Variants in TAFA2 observed in about 807,000 individuals in gnomAD.
TAFA2 encodes the protein TAFA chemokine like family member 2, also known as chemokine-like protein TAFA-2.
Under a neutral mutation model 18.8 loss-of-function variants are expected in TAFA2, and 7 were observed. That is an observed-to-expected ratio of 0.37 (90% CI 0.21 to 0.70). The LOEUF (loss-of-function observed/expected upper bound fraction) is 0.70. Ranked by LOEUF, TAFA2 falls within the 30% of genes least tolerant of loss-of-function variation. TAFA2 has a pLI of 0.53. For synonymous variants in TAFA2, 60 were observed against 54.2 expected (o/e 1.11, Z -0.47); for missense variants, 122 against 158.1 (o/e 0.77, Z 1.23).
chr12:61,930,302 C>G (rs1877503355), intron 1 of TAFA2, among the ~76,000 whole-genome samples: 1 of 152,016 alleles, frequency 6.6e-6, no homozygotes, highest in Non-Finnish European at 1.5e-5. Flanking sequence ...TCCCAGAGCA[C>G]AAATGAAGTT....
At chr12:61,886,039 A>G (rs1202821277) in intron 1 of TAFA2, among the ~76,000 whole-genome samples, 1 of 152,214 alleles carries the variant, frequency 6.6e-6, no homozygotes, top group Non-Finnish European at 1.5e-5. Context: ...AACTCTGGAA[A>G]TAATCCCCAT....
In TAFA2 at chr12:62,191,667, T is replaced by A. The variant is rs1196049531; in HGVS notation, c.-410A>T. On this transcript the variant is annotated 5_prime_UTR_variant, in exon 1 of 5. Transcript: ENST00000416284. ...CTTGGCAGCGCCCGCGGTCGCCTCC[T>A]GTCCTCGCCGGATGCGCGCGGTGCG... The A allele has an allele frequency of 1.3e-5, 2 of 152,232 alleles. No individual in the cohort carries two copies. Among genetic ancestry groups the A allele is most frequent in the Admixed American group, 1.3e-4 (2 of 15,290 alleles). The allele number at this position is 152,232 out of a possible 1,614,324, so 9.4% of individuals were successfully genotyped here.
intron 2 of TAFA2, among the ~76,000 whole-genome samples, chr12:61,826,369 T>C (rs1872538022): frequency 6.6e-6 from 1 of 151,976 alleles, no homozygotes; most frequent in Non-Finnish European, 1.5e-5. Context: ...TGTGTATTTG[T>C]AAATTTGAAA....
chr12:62,236,739 G>A (rs1475643512), intron 1 of TAFA2, among the ~76,000 whole-genome samples: 2 of 152,200 alleles, frequency 1.3e-5, no homozygotes, highest in Non-Finnish European at 2.9e-5. Flanking sequence ...CAGTATTCTT[G>A]TTGGATAATT....
At position 61,853,013 on chromosome 12, in the gene TAFA2, T is replaced by C. The variant is rs370807445; in HGVS notation, c.106+14307A>G. Among the ~76,000 whole-genome samples, 5 of 152,210 alleles carry C rather than the reference T, an allele frequency of 3.3e-5. No individual in the cohort carries two copies. The East Asian group carries it at 9.6e-4, about 29-fold the overall frequency. ...CAACTATAGTTAGCAATGTATTTTATACTTGAAATTTGTTAAGAGAGTAGC... is the reference window on the plus strand; with the variant it reads ...CAACTATAGTTAGCAATGTATTTTACACTTGAAATTTGTTAAGAGAGTAGC... On this transcript the variant is annotated intron_variant, in intron 2 of 4. Coordinates refer to ENST00000416284, the MANE Select transcript of TAFA2 (RefSeq NM_178539.5).
At chr12:62,033,878 A>G (rs11174283) in intron 1 of TAFA2, among the ~76,000 whole-genome samples, 3 of 152,278 alleles carry the variant, frequency 2.0e-5, no homozygotes, top group East Asian at 1.9e-4. Context: ...TTGTTTCACT[A>G]TTAGATTACT....
intron 2 of TAFA2, among the ~76,000 whole-genome samples, chr12:61,759,927 G>T (rs73324027): frequency 0.018 from 2,740 of 152,054 alleles, 77 homozygotes; most frequent in African/African-American, 0.061. Context: ...GAAGTGAAAT[G>T]ATGATCACAG....
chr12:61,983,431 CAG>C (rs1879709620), intron 1 of TAFA2, among the ~76,000 whole-genome samples: 1 of 124,664 alleles, frequency 8.0e-6, no homozygotes, highest in Admixed American at 8.2e-5. Context: ...TGTTTTGGGA[CAG>C]AGTCTCAATC....
chr12:61,816,474 AAT>A (rs1215429777), intron 2 of TAFA2, among the ~76,000 whole-genome samples: 3 of 151,384 alleles, frequency 2.0e-5, no homozygotes, highest in Admixed American at 6.6e-5. Context: ...ATAGTGCTGC[AAT>A]GAACATTTGC....
chr12:61,800,241 C>A (rs528567674), intron 2 of TAFA2, among the ~76,000 whole-genome samples: 1 of 152,234 alleles, frequency 6.6e-6, no homozygotes, highest in East Asian at 1.9e-4. Flanking sequence ...CACTTTTAAT[C>A]TTCACCACAA....
intron 1 of TAFA2, among the ~76,000 whole-genome samples, chr12:61,894,025 A>G (rs1875738225): frequency 6.6e-6 from 1 of 152,148 alleles, no homozygotes; most frequent in Non-Finnish European, 1.5e-5. Context: ...TTATTAAACA[A>G]ACTATCATGT....
At chr12:62,220,100 G>A (rs947317780) in intron 1 of TAFA2, among the ~76,000 whole-genome samples, 2 of 151,842 alleles carry the variant, frequency 1.3e-5, no homozygotes, top group African/African-American at 2.4e-5. Flanking sequence ...CCTCACTAGA[G>A]GCAGAAACAA....
intron 1 of TAFA2, among the ~76,000 whole-genome samples, chr12:62,187,306 A>G (rs2062592835): frequency 6.6e-6 from 1 of 152,160 alleles, no homozygotes; most frequent in African/African-American, 2.4e-5. Context: ...TGTATTAACA[A>G]TGGCTCAAAC....
In TAFA2 at chr12:61,815,770, A is replaced by G. The variant is rs188252126; in HGVS notation, c.106+51550T>C. Among the ~76,000 whole-genome samples the G allele has an allele frequency of 1.1e-3, 173 of 151,504 alleles. 1 individual carries two copies. Among genetic ancestry groups the G allele is most frequent in the South Asian group, 2.7e-3 (13 of 4,826 alleles). On this transcript the variant is annotated intron_variant, in intron 2 of 4. Transcript: ENST00000416284. ...ACAGAATTTGAGAATCGCAGTATTT[A>G]GATGGCATTTACAGCTAGAGGCTAG... is the stretch of plus-strand genomic sequence containing the variant.
intron 1 of TAFA2, chr12:62,207,300 A>G (rs547820120): frequency 6.6e-6 from 1 of 152,356 alleles, no homozygotes; most frequent in African/African-American, 2.4e-5. Flanking sequence ...TTACAAGATT[A>G]GGGAAAAATA....
At chr12:61,844,699 A>G (rs1456755351) in intron 2 of TAFA2, among the ~76,000 whole-genome samples, 1 of 152,140 alleles carries the variant, frequency 6.6e-6, no homozygotes, top group Non-Finnish European at 1.5e-5. Context: ...GTTACAGGAG[A>G]AGCAATAAAT....
chr12:61,836,681 CT>C lies in TAFA2; in HGVS notation c.106+30638del, dbSNP rs1225259724. ...GCTTATTTGAAAGCATTATATATCT[CT>C]TTTTGCCATAAAATAGCTAGCACTT... On this transcript the variant is annotated intron_variant, in intron 2 of 4. Transcript: ENST00000416284. Among the ~76,000 whole-genome samples the C allele has an allele frequency of 1.5e-4, 22 of 147,998 alleles. No homozygotes were observed. The East Asian group carries it at 3.8e-3, about 26-fold the overall frequency.
At chr12:61,717,199 G>A (rs1054557277) in intron 4 of TAFA2, among the ~76,000 whole-genome samples, 6 of 144,956 alleles carry the variant, frequency 4.1e-5, no homozygotes, top group Non-Finnish European at 7.4e-5. Flanking sequence ...TACATTGGTC[G>A]TAACTATATG....
At chr12:61,921,269 G>A (rs1309303662) in intron 1 of TAFA2, among the ~76,000 whole-genome samples, 2 of 152,176 alleles carry the variant, frequency 1.3e-5, no homozygotes, top group Non-Finnish European at 2.9e-5. Flanking sequence ...AGCCACTTAG[G>A]AGACGATGAA....
Sources: gnomAD v4.1 joint callset for allele counts (sites outside exome capture counted in the v4.1 genomes callset) on GRCh38, gnomAD v4.1.1 for gene constraint, MANE v1.5 for transcripts, NCBI Gene and HGNC (gene_info 2026-07-23, HGNC 2026-07-21) for gene names.